The following TRAT1 variants were observed in gnomAD, a reference collection of about 807,000 sequenced individuals.
TRAT1 encodes T cell receptor associated transmembrane adaptor 1.
TRAT1 carries 20 observed loss-of-function variants against 20.0 expected under a neutral mutation model. The ratio of observed to expected loss-of-function variants is 1.00; its 90% CI spans 0.70 to 1.45. The LOEUF is 1.45. Ranked by LOEUF, TRAT1 falls within the 40% of genes most tolerant of loss-of-function variation. The pLI is 0.00. For synonymous variants in TRAT1, 77 were observed against 74.2 expected (o/e 1.04, Z -0.20); for missense variants, 237 against 224.1 (o/e 1.06, Z -0.37).
chr3:108,832,084 T>C (rs1214146603), intron 2 of TRAT1, among the ~76,000 whole-genome samples: 2 of 152,168 alleles, frequency 1.3e-5, no homozygotes, highest in Non-Finnish European at 2.9e-5. Flanking sequence ...AATACTAATA[T>C]AAAATATGAA....
intron 1 of TRAT1, among the ~76,000 whole-genome samples, chr3:108,823,969 T>C (rs547764355): frequency 6.6e-5 from 10 of 152,238 alleles, no homozygotes; most frequent in African/African-American, 2.4e-4. Context: ...CCTCCCAGGT[T>C]CAAGCGATTC....
In TRAT1 at chr3:108,853,839, T is replaced by C; in HGVS notation, c.523T>C (p.Phe175Leu). 6.2e-7 allele frequency: 1 copy of C among 1,614,038 alleles called. No individual in the cohort carries two copies. The highest frequency in any genetic ancestry group is 8.5e-7 in the Non-Finnish European group (1 of 1,179,906). The change falls in exon 6 of 6, where the codon TTT (phenylalanine) becomes CTT (leucine). Residue 175 changes from phenylalanine to leucine, a missense_variant. Physicochemically the swap from Phe to Leu is conservative, Grantham distance 22. Coordinates refer to ENST00000295756, the MANE Select transcript of TRAT1 (RefSeq NM_016388.4). ...ENIHDDPIRL[F>L]GLIRAKREPI... ...CATTCATGATGATCCCATCAGACTG[T>C]TTGGATTGATCCGTGCTAAGAGAGA...
intron 3 of TRAT1, among the ~76,000 whole-genome samples, chr3:108,845,608 G>A (rs545467536): frequency 6.6e-6 from 1 of 152,074 alleles, no homozygotes. Context: ...CATTTGAACT[G>A]TTATTTTTTT....
intron 4 of TRAT1, among the ~76,000 whole-genome samples, chr3:108,848,872 G>T (rs1016487901): frequency 2.0e-5 from 3 of 152,058 alleles, no homozygotes; most frequent in Non-Finnish European, 4.4e-5. Context: ...ACATCCAAAT[G>T]GTAGCTTAAG....
At chr3:108,838,883 C>T in intron 2 of TRAT1, 51 bp from the exon 3 acceptor site, 1 of 1,378,856 alleles carries the variant, frequency 7.3e-7, no homozygotes, top group Non-Finnish European at 1.0e-6. Context: ...GAATATTTAA[C>T]AAAGGTATGT....
At chr3:108,837,888 A>G (rs1945853746) in intron 2 of TRAT1, among the ~76,000 whole-genome samples, 1 of 152,214 alleles carries the variant, frequency 6.6e-6, no homozygotes, top group Non-Finnish European at 1.5e-5. Flanking sequence ...ATAATTCATC[A>G]TGAATCTATT....
intron 3 of TRAT1, among the ~76,000 whole-genome samples, chr3:108,841,249 C>T (rs558804090): frequency 6.6e-6 from 1 of 152,298 alleles, no homozygotes; most frequent in Admixed American, 6.5e-5. Flanking sequence ...TCTATTGTAA[C>T]AAATCTCCAG....
chr3:108,824,835 G>T (rs1279916718), intron 1 of TRAT1, among the ~76,000 whole-genome samples: 1 of 152,192 alleles, frequency 6.6e-6, no homozygotes, highest in Non-Finnish European at 1.5e-5. Flanking sequence ...AGCTGATGAT[G>T]ATGGGGAACT....
At chr3:108,830,426 C>T (rs1413853976) in intron 1 of TRAT1, among the ~76,000 whole-genome samples, 2 of 152,204 alleles carry the variant, frequency 1.3e-5, no homozygotes, top group African/African-American at 2.4e-5. Flanking sequence ...ACAAAAAAGT[C>T]GTTTATTTCA....
intron 2 of TRAT1, 25 bp downstream of exon 2, chr3:108,830,805 A>G (rs369801590): frequency 6.8e-7 from 1 of 1,463,574 alleles, no homozygotes; most frequent in Non-Finnish European, 9.6e-7. Flanking sequence ...CAAATTTCAC[A>G]TGGTACCTGC....
rs915730831 is a variant in TRAT1 at position 108,825,128 on chromosome 3, T to C, written c.7+2194T>C. 4.5e-3 allele frequency among the ~76,000 whole-genome samples: 692 copies of C among 152,288 alleles called. 1 individual carries two copies. The highest frequency in any genetic ancestry group is 0.016 in the African/African-American group (660 of 41,574). The stretch of plus-strand genomic sequence containing the variant: ...AGGAAGAGAATCAGATGATAGTATT[T>C]TTTATATTTAGATAGGTAAAATAAA... On this transcript the variant is annotated intron_variant, in intron 1 of 5. Transcript: ENST00000295756.
intron 2 of TRAT1, among the ~76,000 whole-genome samples, chr3:108,832,729 TAAC>T (rs1234682403): frequency 6.6e-6 from 1 of 152,186 alleles, no homozygotes; most frequent in African/African-American, 2.4e-5. Flanking sequence ...AGGGGCCAGG[TAAC>T]AGGTAGACAT....
chr3:108,833,648 A>T (rs1945814299), intron 2 of TRAT1, among the ~76,000 whole-genome samples: 1 of 152,166 alleles, frequency 6.6e-6, no homozygotes, highest in Non-Finnish European at 1.5e-5. Context: ...TTAATAGTAT[A>T]CCTTTGAAGT....
chr3:108,849,311 A>C, intron 5 of TRAT1, 57 bp downstream of exon 5: 5 of 1,394,590 alleles, frequency 3.6e-6, no homozygotes, highest in South Asian at 1.2e-5. Context: ...AGAGTAGTAC[A>C]TTATGATACA....
intron 3 of TRAT1, among the ~76,000 whole-genome samples, chr3:108,841,230 A>G (rs1945894354): frequency 6.6e-6 from 1 of 152,374 alleles, no homozygotes; most frequent in East Asian, 1.9e-4. Flanking sequence ...TTTATAAAAT[A>G]ACCTATTGTC....
At chr3:108,847,036 C>G in intron 3 of TRAT1, 32 bp from the exon 4 acceptor site, 1 of 1,279,668 alleles carries the variant, frequency 7.8e-7, no homozygotes, top group East Asian at 2.4e-5. Flanking sequence ...AAAGTGGAAT[C>G]TAATAAGGTA....
At chr3:108,839,677 A>G (rs879760576) in intron 3 of TRAT1, among the ~76,000 whole-genome samples, 2 of 151,920 alleles carry the variant, frequency 1.3e-5, no homozygotes, top group Non-Finnish European at 2.9e-5. Context: ...GTGTATACAC[A>G]TAGATATACA....
intron 1 of TRAT1, among the ~76,000 whole-genome samples, chr3:108,826,457 G>T (rs1176857533): frequency 2.0e-5 from 3 of 152,062 alleles, no homozygotes; most frequent in Non-Finnish European, 4.4e-5. Context: ...TGATTTGCGA[G>T]CCCCCTCCTG....
At chr3:108,844,662 GTGAAACCCCGTCTCTA>G (rs1945923868) in intron 3 of TRAT1, among the ~76,000 whole-genome samples, 1 of 151,334 alleles carries the variant, frequency 6.6e-6, no homozygotes, top group African/African-American at 2.4e-5. Flanking sequence ...GGCTAACACG[GTGAAACCCCGTCTCTA>G]CTAAAAATAC....
Sources: gnomAD v4.1 joint callset for allele counts (sites outside exome capture counted in the v4.1 genomes callset) on GRCh38, gnomAD v4.1.1 for gene constraint, MANE v1.5 for transcripts, NCBI Gene and HGNC (gene_info 2026-07-23, HGNC 2026-07-21) for gene names.